The following GSG1L variants were observed in gnomAD, a reference collection of about 807,000 sequenced individuals.
The protein encoded by GSG1L is GSG1 like, also known as germ cell-specific gene 1-like protein.
Under a neutral mutation model 42.1 loss-of-function variants are expected in GSG1L, and 24 were observed. That is an observed-to-expected ratio of 0.57 (90% CI 0.41 to 0.80). The LOEUF (loss-of-function observed/expected upper bound fraction) is 0.80. GSG1L is among the 30% of genes least tolerant of loss of function. The pLI is 0.00. For missense variants in GSG1L, 445 were observed against 472.2 expected (o/e 0.94, Z 0.53); for synonymous variants, 215 against 203.5 (o/e 1.06, Z -0.48).
At chr16:27,969,645 C>G (rs1372127410) in intron 1 of GSG1L, among the ~76,000 whole-genome samples, 1 of 152,226 alleles carries the variant, frequency 6.6e-6, no homozygotes, top group African/African-American at 2.4e-5. Flanking sequence ...GAATTTGTTT[C>G]CACATTTTGG....
intron 1 of GSG1L, among the ~76,000 whole-genome samples, chr16:27,979,733 A>AGGAAGGAAGG (rs768837828): frequency 1.5e-5 from 1 of 65,358 alleles, no homozygotes; most frequent in African/African-American, 5.7e-5. Context: ...GAAGGAAAGA[A>AGGAAGGAAGG]AAAGAAAGAA....
rs190451504 is a variant in GSG1L at position 27,810,046 on chromosome 16, C to T, written c.831-2492G>A. On this transcript the variant is annotated intron_variant, in intron 5 of 6. Transcript: ENST00000447459. ...ATCACCAATCATTCATTCATTCATT[C>T]GCTCATTCACCAGGAACTTCCTGAG... 2.9e-4 allele frequency among the ~76,000 whole-genome samples: 44 copies of T among 152,316 alleles called. No individual in the cohort carries two copies. In the South Asian group the frequency reaches 5.4e-3, roughly 19 times the overall value.
intron 1 of GSG1L, among the ~76,000 whole-genome samples, chr16:28,002,697 G>A (rs780782099): frequency 3.3e-5 from 5 of 152,060 alleles, no homozygotes; most frequent in Admixed American, 1.3e-4. Context: ...TTGGGAGGCC[G>A]AGGCGGGAGG....
intron 2 of GSG1L, among the ~76,000 whole-genome samples, chr16:27,926,316 C>T (rs2084591706): frequency 6.6e-6 from 1 of 152,132 alleles, no homozygotes; most frequent in Non-Finnish European, 1.5e-5. Flanking sequence ...CAAAGTAGTC[C>T]TGGTCCCTGC....
chr16:27,936,223 C>T (rs1175482157), intron 2 of GSG1L, among the ~76,000 whole-genome samples: 2 of 152,124 alleles, frequency 1.3e-5, no homozygotes, highest in African/African-American at 4.8e-5. Flanking sequence ...GAGGCTTTCA[C>T]TTTATAAGGT....
chr16:28,007,547 C>G lies in GSG1L; in HGVS notation c.350-44344G>C, dbSNP rs1596695108. On this transcript the variant is annotated intron_variant, in intron 1 of 6. Transcript: ENST00000447459. ...GTTGGTTTTGAGACAGGATCTTGCT[C>G]TGTCACCCAGGCTGGAGTGCAGCGG... 2.0e-5 allele frequency among the ~76,000 whole-genome samples: 3 copies of G among 152,202 alleles called. No individual in the cohort carries two copies. The East Asian group carries it at 5.8e-4, about 29-fold the overall frequency.
intron 1 of GSG1L, among the ~76,000 whole-genome samples, chr16:28,056,413 T>C (rs934796618): frequency 1.3e-4 from 17 of 131,762 alleles, no homozygotes; most frequent in African/African-American, 4.4e-4. Flanking sequence ...TAGGTGGGAA[T>C]TGAACAATGA....
intron 2 of GSG1L, among the ~76,000 whole-genome samples, chr16:27,914,577 G>A (rs986472241): frequency 6.8e-6 from 1 of 147,852 alleles, no homozygotes; most frequent in South Asian, 2.1e-4. Context: ...AGGCTGGAGT[G>A]CAGTGGCAGA....
chr16:28,045,601 G>A (rs2086151460), intron 1 of GSG1L, among the ~76,000 whole-genome samples: 1 of 151,966 alleles, frequency 6.6e-6, no homozygotes, highest in African/African-American at 2.4e-5. Context: ...CTTGAGCCTA[G>A]GAGCCAGAGA....
chr16:27,861,473 A>G (rs35467854), intron 3 of GSG1L, among the ~76,000 whole-genome samples: 21,787 of 152,128 alleles, frequency 0.14, 1,818 homozygotes, highest in East Asian at 0.29. Flanking sequence ...CCAAACTGAA[A>G]TGCACTTTCC....
At chr16:27,983,066 G>A (rs544284818) in intron 1 of GSG1L, among the ~76,000 whole-genome samples, 46 of 152,294 alleles carry the variant, frequency 3.0e-4, no homozygotes, top group African/African-American at 1.1e-3. Flanking sequence ...TGGGCACAGT[G>A]GCTCACACCT....
In GSG1L at chr16:27,854,092, C is replaced by T. The variant is rs569900073; in HGVS notation, c.551-9031G>A. Among the ~76,000 whole-genome samples the T allele has an allele frequency of 3.3e-4, 50 of 151,762 alleles. No homozygotes were observed. The South Asian group carries it at 3.8e-3, about 11-fold the overall frequency. ...TCCAAGAAAAAGGTTGAGAAGAATA[C>T]GCTATCAAGAGAGAGACAGTTTCTC... On this transcript the variant is annotated intron_variant, in intron 3 of 6. Transcript: ENST00000447459.
chr16:28,063,030 C>A lies in GSG1L; in HGVS notation c.349+46G>T. 1 of 1,351,522 alleles carries A rather than the reference C, an allele frequency of 7.4e-7. No individual in the cohort carries two copies. Among genetic ancestry groups the A allele is most frequent in the Non-Finnish European group, 9.5e-7 (1 of 1,048,926 alleles). The allele number at this position is 1,351,522 out of a possible 1,614,324, so 83.7% of individuals were successfully genotyped here. ...GCTCGGGCCTCGATGGCCGCGCCGC[C>A]CCGGGGGAGCCGGAGCCGAGCTGGC... On this transcript the variant is annotated intron_variant, in intron 1 of 6. Coordinates refer to ENST00000447459, the MANE Select transcript of GSG1L (RefSeq NM_001109763.2). This position sits in a 1 kb window ranked among gnomAD's most constrained non-coding sequence, Gnocchi z 5.8.
At chr16:27,930,579 T>C (rs1288277059) in intron 2 of GSG1L, among the ~76,000 whole-genome samples, 1 of 152,194 alleles carries the variant, frequency 6.6e-6, no homozygotes, top group African/African-American at 2.4e-5. Flanking sequence ...TGTGCACTGA[T>C]GGAAGGAATG....
chr16:27,917,497 A>G (rs8052845), intron 2 of GSG1L, among the ~76,000 whole-genome samples: 2,096 of 152,140 alleles, frequency 0.014, 44 homozygotes, highest in African/African-American at 0.047. Context: ...GAATAAGCAA[A>G]AGAGGAGACT....
At chr16:27,877,545 T>TCAAGG in intron 3 of GSG1L, among the ~76,000 whole-genome samples, 1 of 152,118 alleles carries the variant, frequency 6.6e-6, no homozygotes, top group African/African-American at 2.4e-5. Flanking sequence ...CTGGAGAAGG[T>TCAAGG]GACCAAGGGA....
intron 6 of GSG1L, among the ~76,000 whole-genome samples, chr16:27,806,234 C>A (rs556366503): frequency 6.6e-6 from 1 of 152,128 alleles, no homozygotes; most frequent in Non-Finnish European, 1.5e-5. Flanking sequence ...CATCTCCTGT[C>A]CCTCACAGGC....
intron 1 of GSG1L, among the ~76,000 whole-genome samples, chr16:27,985,040 G>A (rs982505863): frequency 6.6e-5 from 10 of 152,162 alleles, no homozygotes; most frequent in African/African-American, 2.2e-4. Context: ...TTACAGGGAT[G>A]AGCCCTCATG....
chr16:27,920,787 C>T (rs1434089481), intron 2 of GSG1L, among the ~76,000 whole-genome samples: 1 of 152,168 alleles, frequency 6.6e-6, no homozygotes, highest in Non-Finnish European at 1.5e-5. Context: ...GGGGAGGAAA[C>T]AGCAAGGCAC....
Sources: allele counts gnomAD v4.1 joint callset (sites outside exome capture counted in the v4.1 genomes callset), GRCh38; gene constraint gnomAD v4.1.1; non-coding constraint Gnocchi (gnomAD v3.1); transcripts MANE v1.5; gene names NCBI Gene and HGNC (gene_info 2026-07-23, HGNC 2026-07-21).